TMEM156: variants seen among roughly 807,000 people sequenced by gnomAD.
TMEM156 encodes the protein transmembrane protein 156.
Under a neutral mutation model 30.5 loss-of-function variants are expected in TMEM156, and 28 were observed. The ratio of observed to expected loss-of-function variants is 0.92; its 90% CI spans 0.68 to 1.26. The LOEUF (loss-of-function observed/expected upper bound fraction) is 1.26, where lower values mean the gene tolerates loss of function less well. TMEM156 is among the 50% of genes most tolerant of loss of function. TMEM156 has a pLI of 0.00. For synonymous variants in TMEM156, 137 were observed against 119.9 expected (o/e 1.14, Z -0.93); for missense variants, 351 against 340.6 (o/e 1.03, Z -0.24).
chr4:38,989,260 G>T (rs1374233060), intron 3 of TMEM156, among the ~76,000 whole-genome samples: 2 of 152,094 alleles, frequency 1.3e-5, no homozygotes, highest in African/African-American at 4.8e-5. Flanking sequence ...CACTATCCTC[G>T]CTGTAACTAA....
At chr4:38,984,343 C>CTGTGTGTG (rs1332380845) in intron 5 of TMEM156, among the ~76,000 whole-genome samples, 1 of 107,110 alleles carries the variant, frequency 9.3e-6, no homozygotes, top group African/African-American at 5.0e-5. Flanking sequence ...GTCTCTCTCT[C>CTGTGTGTG]TCTCTCTGTG....
chr4:38,989,067 C>T, intron 3 of TMEM156, 97 bp from the exon 4 acceptor site: 1 of 1,274,278 alleles, frequency 7.8e-7, no homozygotes, highest in Non-Finnish European at 1.1e-6. Flanking sequence ...ATATTCTGCC[C>T]TGAATTGAAA....
In TMEM156 at chr4:38,967,627, T is replaced by C. The variant is rs1000915770; in HGVS notation, c.*53A>G. On this transcript the variant is annotated 3_prime_UTR_variant, in exon 7 of 7. Coordinates refer to ENST00000381938, the MANE Select transcript of TMEM156 (RefSeq NM_024943.3). ...TATTCTTCAAAGGGCTCGGTCCAAC[T>C]TGCCCGGGGATATTCTGAAGATTTA... 2 of 152,226 alleles carry C rather than the reference T, an allele frequency of 1.3e-5. No homozygotes were observed. The allele number at this position is 152,226 out of a possible 1,614,324, so 9.4% of individuals were successfully genotyped here.
chr4:38,984,358 TGTG>T (rs1711810086), intron 5 of TMEM156, among the ~76,000 whole-genome samples: 2 of 139,808 alleles, frequency 1.4e-5, no homozygotes, highest in Non-Finnish European at 1.5e-5. Context: ...TCTGTGTGTG[TGTG>T]TGTGTGTGTG....
In TMEM156 at chr4:39,008,602, G is replaced by A. The variant is rs149018639; in HGVS notation, c.89-9693C>T. ...ATTTTTGTTGAGTATGAGTAACAAG[G>A]TATACTAGCCTTAAAAAATAAGTTG... On this transcript the variant is annotated intron_variant, in intron 1 of 6. Transcript: ENST00000381938. Among the ~76,000 whole-genome samples, 194 of 152,130 alleles carry A rather than the reference G, an allele frequency of 1.3e-3. 1 individual carries two copies. The highest frequency in any genetic ancestry group is 3.5e-3 in the African/African-American group (145 of 41,520).
chr4:39,006,973 A>G (rs1156441734), intron 1 of TMEM156, among the ~76,000 whole-genome samples: 2 of 151,978 alleles, frequency 1.3e-5, no homozygotes, highest in African/African-American at 2.4e-5. Flanking sequence ...AAACAAAAAC[A>G]TGGAATTGTA....
At chr4:39,019,984 T>C (rs1446390086) in intron 1 of TMEM156, among the ~76,000 whole-genome samples, 1 of 152,164 alleles carries the variant, frequency 6.6e-6, no homozygotes, top group Non-Finnish European at 1.5e-5. Flanking sequence ...ACGGTAAACA[T>C]CATTCTATTC....
intron 3 of TMEM156, among the ~76,000 whole-genome samples, chr4:38,991,855 C>G (rs527958030): frequency 1.3e-5 from 2 of 152,252 alleles, no homozygotes; most frequent in Admixed American, 6.5e-5. Flanking sequence ...CTTCTCTAGG[C>G]AATCTTTCCA....
intron 1 of TMEM156, among the ~76,000 whole-genome samples, chr4:39,017,638 A>T (rs1288597633): frequency 1.3e-5 from 2 of 152,208 alleles, no homozygotes; most frequent in African/African-American, 4.8e-5. Context: ...AAGTATGTTT[A>T]AAATCTCCCA....
At chr4:39,031,995 A>G (rs976467830) in intron 1 of TMEM156, among the ~76,000 whole-genome samples, 1 of 152,052 alleles carries the variant, frequency 6.6e-6, no homozygotes, top group Admixed American at 6.6e-5. Context: ...TAGACTACAG[A>G]TTTTAAATAT....
chr4:38,983,682 G>A (rs937050982), intron 5 of TMEM156, among the ~76,000 whole-genome samples: 1 of 152,210 alleles, frequency 6.6e-6, no homozygotes, highest in Middle Eastern at 3.2e-3. Context: ...TTACAGGCGT[G>A]GGCCACCACA....
intron 1 of TMEM156, among the ~76,000 whole-genome samples, chr4:39,029,177 A>C (rs1436435331): frequency 6.6e-6 from 1 of 152,188 alleles, no homozygotes; most frequent in Non-Finnish European, 1.5e-5. Flanking sequence ...ATTCCTTTTG[A>C]ATTCATTTCA....
chr4:38,981,992 T>C (rs1280656874), intron 5 of TMEM156, among the ~76,000 whole-genome samples: 1 of 152,200 alleles, frequency 6.6e-6, no homozygotes, highest in Non-Finnish European at 1.5e-5. Flanking sequence ...GGATGCGAAG[T>C]ATTGTTCCTG....
intron 1 of TMEM156, among the ~76,000 whole-genome samples, chr4:39,031,298 CTATT>C (rs764419446): frequency 7.9e-5 from 12 of 152,076 alleles, no homozygotes; most frequent in Non-Finnish European, 1.3e-4. Flanking sequence ...AAATTTATAC[CTATT>C]TATTTTCCTA....
At chr4:39,023,115 G>T (rs897806658) in intron 1 of TMEM156, among the ~76,000 whole-genome samples, 1 of 152,138 alleles carries the variant, frequency 6.6e-6, no homozygotes, top group African/African-American at 2.4e-5. Flanking sequence ...TATAAGAAGA[G>T]ACCAGAGAGG....
intron 1 of TMEM156, among the ~76,000 whole-genome samples, chr4:39,024,298 G>T (rs1427302811): frequency 1.3e-5 from 2 of 152,148 alleles, no homozygotes; most frequent in African/African-American, 4.8e-5. Flanking sequence ...GCCTCCCAAA[G>T]TGCTGGGATT....
chr4:38,980,283 C>T (rs1278195309), intron 5 of TMEM156, among the ~76,000 whole-genome samples: 3 of 150,996 alleles, frequency 2.0e-5, no homozygotes, highest in Non-Finnish European at 2.9e-5. Flanking sequence ...ATCTTTAATA[C>T]TCCAAAGGAT....
chr4:38,993,658 G>A (rs1436562503), intron 3 of TMEM156, 80 bp downstream of exon 3: 1 of 1,244,626 alleles, frequency 8.0e-7, no homozygotes, highest in South Asian at 1.4e-5. Flanking sequence ...TTGGCTTTCA[G>A]TTAATGTGAT....
chr4:38,972,074 T>C (rs1259020943), intron 5 of TMEM156, among the ~76,000 whole-genome samples: 2 of 148,864 alleles, frequency 1.3e-5, no homozygotes, highest in Admixed American at 1.3e-4. Flanking sequence ...CAGGTGTGAG[T>C]GACCGCGCCC....
Sources: gnomAD v4.1 joint callset for allele counts (sites outside exome capture counted in the v4.1 genomes callset) on GRCh38, gnomAD v4.1.1 for gene constraint, MANE v1.5 for transcripts, NCBI Gene and HGNC (gene_info 2026-07-23, HGNC 2026-07-21) for gene names.